NRXN1: variants seen among roughly 807,000 people sequenced by gnomAD.
NRXN1 encodes the protein neurexin 1.
A neutral mutation model predicts 150.9 loss-of-function variants in NRXN1; 39 were observed. That is an observed-to-expected ratio of 0.26 (90% CI 0.20 to 0.34). NRXN1 has a LOEUF of 0.34. Among genes scored for constraint, NRXN1 ranks in the 10% least tolerant of loss-of-function variants. The pLI is 1.00. For missense variants in NRXN1, 1,815 were observed against 1,949.9 expected (o/e 0.93, Z 1.30); for synonymous variants, 924 against 757.0 (o/e 1.22, Z -3.62).
intron 18 of NRXN1, among the ~76,000 whole-genome samples, chr2:50,182,395 C>G (rs949763071): frequency 2.6e-5 from 4 of 152,054 alleles, no homozygotes; most frequent in African/African-American, 9.7e-5. Context: ...GTTGGTAAAG[C>G]TGAATGGCTC....
chr2:50,300,549 A>C (rs2074051282), intron 17 of NRXN1, among the ~76,000 whole-genome samples: 1 of 152,282 alleles, frequency 6.6e-6, no homozygotes, highest in South Asian at 2.1e-4. Flanking sequence ...ATACAATATA[A>C]AGAAGGAATT....
At chr2:50,842,195 A>G (rs1672978459) in intron 5 of NRXN1, among the ~76,000 whole-genome samples, 1 of 152,058 alleles carries the variant, frequency 6.6e-6, no homozygotes, top group Non-Finnish European at 1.5e-5. Flanking sequence ...ATCACCCAAC[A>G]CTTGGCCCTA....
intron 17 of NRXN1, among the ~76,000 whole-genome samples, chr2:50,271,085 C>T (rs2069556298): frequency 6.6e-6 from 1 of 152,050 alleles, no homozygotes; most frequent in Admixed American, 6.6e-5. Flanking sequence ...ATTCAGAATA[C>T]TAAAAAGTGT....
At position 50,618,832 on chromosome 2, in the gene NRXN1, C is replaced by T. The variant is rs982022169; in HGVS notation, c.1320+1190G>A. Reference sequence around the variant, plus strand: ...CATCCTCTACAGAGCTTAACACAAACCTGGATCATACTACATATTTGTAAC... The same window carrying T: ...CATCCTCTACAGAGCTTAACACAAATCTGGATCATACTACATATTTGTAAC... On this transcript the variant is annotated intron_variant, in intron 8 of 22. Transcript: ENST00000401669. Among the ~76,000 whole-genome samples, 5 of 151,352 alleles carry T rather than the reference C, an allele frequency of 3.3e-5. No homozygotes were observed. In the East Asian group the frequency reaches 9.7e-4, roughly 29 times the overall value.
At chr2:50,641,986 C>A (rs1335597826) in intron 5 of NRXN1, among the ~76,000 whole-genome samples, 1 of 151,958 alleles carries the variant, frequency 6.6e-6, no homozygotes, top group Non-Finnish European at 1.5e-5. Flanking sequence ...AGAGATTTCC[C>A]TGAATCAACA....
intron 17 of NRXN1, among the ~76,000 whole-genome samples, chr2:50,353,636 C>G (rs2078582076): frequency 6.6e-6 from 1 of 152,022 alleles, no homozygotes; most frequent in African/African-American, 2.4e-5. Flanking sequence ...TGTTATTATT[C>G]TTTATTCATG....
intron 18 of NRXN1, among the ~76,000 whole-genome samples, chr2:50,125,446 C>T (rs1045197304): frequency 6.6e-6 from 1 of 152,014 alleles, no homozygotes; most frequent in African/African-American, 2.4e-5. Context: ...GTACCAAAAA[C>T]AGGGCCCAAC....
intron 17 of NRXN1, among the ~76,000 whole-genome samples, chr2:50,450,023 C>G (rs1165662619): frequency 6.6e-6 from 1 of 152,156 alleles, no homozygotes; most frequent in African/African-American, 2.4e-5. Flanking sequence ...TCTCCAAAGT[C>G]TGTTTTTTCT....
chr2:50,883,731 G>T (rs961273515), intron 5 of NRXN1, among the ~76,000 whole-genome samples: 4 of 151,808 alleles, frequency 2.6e-5, no homozygotes, highest in Admixed American at 1.3e-4. Flanking sequence ...TAAATAAATT[G>T]TGATTTAGGT....
Position 50,275,208 on chromosome 2 carries a change from G to C in NRXN1, c.3365-38238C>G, listed in dbSNP as rs980891457. On this transcript the variant is annotated intron_variant, in intron 17 of 22. Transcript: ENST00000401669. ...GACAGTTGAAGAAAATTGCTTGAAT[G>C]GGAAATAAATGAACAGTCACAGAAT... 5.3e-5 allele frequency among the ~76,000 whole-genome samples: 8 copies of C among 152,156 alleles called. No homozygotes were observed. The South Asian group carries it at 1.0e-3, about 20-fold the overall frequency.
intron 5 of NRXN1, among the ~76,000 whole-genome samples, chr2:50,693,155 G>A (rs547983838): frequency 6.6e-6 from 1 of 152,140 alleles, no homozygotes; most frequent in Non-Finnish European, 1.5e-5. Flanking sequence ...CGTATCACAA[G>A]GAGAAAGTAG....
intron 8 of NRXN1, among the ~76,000 whole-genome samples, chr2:50,576,179 T>G (rs1487417470): frequency 1.3e-5 from 2 of 152,176 alleles, no homozygotes; most frequent in African/African-American, 4.8e-5. Context: ...TCCACACATA[T>G]GCACATAGTT....
intron 8 of NRXN1, among the ~76,000 whole-genome samples, chr2:50,606,139 A>G (rs1677074871): frequency 6.6e-6 from 1 of 151,578 alleles, no homozygotes. Context: ...AATCCCAGCT[A>G]CCTGGCAGGC....
intron 2 of NRXN1, among the ~76,000 whole-genome samples, chr2:50,928,307 G>C (rs1408827148): frequency 1.3e-5 from 2 of 151,932 alleles, no homozygotes; most frequent in African/African-American, 4.8e-5. Flanking sequence ...AACTGGCTTG[G>C]AGCAGACTTT....
At chr2:50,438,433 GGA>G (rs146944746) in intron 17 of NRXN1, among the ~76,000 whole-genome samples, 8,894 of 152,228 alleles carry the variant, frequency 0.058, 856 homozygotes, top group African/African-American at 0.2. Flanking sequence ...TGACTGCACT[GGA>G]ACTGGGGGGA....
rs1558582630 is a variant in NRXN1 at position 50,352,779 on chromosome 2, T to TAATAATA, written c.3364+112662_3364+112663insTATTATT. Among the ~76,000 whole-genome samples, 845 of 94,310 alleles carry TAATAATA rather than the reference T, an allele frequency of 9.0e-3. 11 individuals are homozygous for TAATAATA. Among genetic ancestry groups the TAATAATA allele is most frequent in the African/African-American group, 0.027 (752 of 28,062 alleles). The allele number at this position is 94,310 out of a possible 152,430, so 61.9% of individuals were successfully genotyped here. On this transcript the variant is annotated intron_variant, in intron 17 of 22. Transcript: ENST00000401669. ...ATAATAATAATAATAATAATAATAT[T>TAATAATA]ATAATAATAATAATAATAATAATAA...
At chr2:50,843,118 A>G (rs1025387758) in intron 5 of NRXN1, among the ~76,000 whole-genome samples, 6 of 152,200 alleles carry the variant, frequency 3.9e-5, no homozygotes, top group African/African-American at 1.4e-4. Context: ...TACCTGGAAT[A>G]TAAGACAGAC....
At chr2:50,876,095 C>T (rs1026091202) in intron 5 of NRXN1, among the ~76,000 whole-genome samples, 1 of 151,738 alleles carries the variant, frequency 6.6e-6, no homozygotes, top group East Asian at 2.0e-4. Flanking sequence ...TTTTCCAGCC[C>T]CTCCTGGATT....
At chr2:50,137,874 G>C (rs1486957936) in intron 18 of NRXN1, among the ~76,000 whole-genome samples, 2 of 152,172 alleles carry the variant, frequency 1.3e-5, no homozygotes, top group East Asian at 3.8e-4. Flanking sequence ...AACTATGGTT[G>C]TTTCAAGATG....
Sources: gnomAD v4.1 joint callset for allele counts (sites outside exome capture counted in the v4.1 genomes callset) on GRCh38, gnomAD v4.1.1 for gene constraint, MANE v1.5 for transcripts, NCBI Gene and HGNC (gene_info 2026-07-23, HGNC 2026-07-21) for gene names.